Variants in USP25 observed in about 807,000 individuals in gnomAD.
The protein encoded by USP25 is ubiquitin specific peptidase 25.
In USP25, 85 loss-of-function variants were observed where a neutral mutation model predicts 158.5. That is an observed-to-expected ratio of 0.54 (90% CI 0.45 to 0.64). The LOEUF (loss-of-function observed/expected upper bound fraction) is 0.64. Ranked by LOEUF, USP25 falls within the 30% of genes least tolerant of loss-of-function variation. The probability of loss-of-function intolerance (pLI) is 0.00; values close to 1 mark genes in which losing one functional copy is unlikely to be tolerated. For missense variants in USP25, 1,242 were observed against 1,327.3 expected, an observed-to-expected ratio of 0.94 and a Z score of 1.00; for synonymous variants, 464 against 460.4, an observed-to-expected ratio of 1.01 and a Z score of -0.10.
chr21:15,862,965 A>G (rs1033837370), intron 20 of USP25, among the ~76,000 whole-genome samples: 1 of 151,996 alleles, frequency 6.6e-6, no homozygotes, highest in African/African-American at 2.4e-5. Flanking sequence ...TCTAGACGTC[A>G]AAGAATTACT....
Position 15,811,128 on chromosome 21 carries a change from A to G in USP25, c.858-9A>G, listed in dbSNP as rs377104767. The G allele has an allele frequency of 1.9e-6, 3 of 1,601,590 alleles. No homozygotes were observed. Among genetic ancestry groups the G allele is most frequent in the Non-Finnish European group, 2.6e-6 (3 of 1,176,314 alleles). ...TGTAATCACATTTATATTTTTTAAC[A>G]TACTTTAGGGATGAAGAGAAGCCAA... On this transcript the variant is annotated splice_polypyrimidine_tract_variant and intron_variant, in intron 8 of 25. Transcript: ENST00000400183.
chr21:15,775,739 A>ACCCCCCCCCCCCCCCCCCCCCCCCCC (rs57912569), intron 3 of USP25, among the ~76,000 whole-genome samples: 11 of 14,052 alleles, frequency 7.8e-4, no homozygotes, highest in African/African-American at 1.2e-3. Context: ...AATGGTTGCC[A>ACCCCCCCCCCCCCCCCCCCCCCCCCC]CCCCCCCCCC....
chr21:15,852,616 T>C (rs1320086018), intron 20 of USP25, among the ~76,000 whole-genome samples: 1 of 152,096 alleles, frequency 6.6e-6, no homozygotes, highest in Non-Finnish European at 1.5e-5. Flanking sequence ...ATGAGAAAAA[T>C]GAATGTGCCA....
intron 20 of USP25, among the ~76,000 whole-genome samples, chr21:15,856,533 G>T (rs917716913): frequency 2.9e-4 from 44 of 151,792 alleles, no homozygotes; most frequent in African/African-American, 9.9e-4. Flanking sequence ...GTGCAGTGGC[G>T]CAGTCTCGGC....
rs567635035 is a variant in USP25 at position 15,730,560 on chromosome 21, C to T, written c.45+122C>T. On this transcript the variant is annotated intron_variant, in intron 1 of 25. Coordinates refer to ENST00000400183, the MANE Select transcript of USP25 (RefSeq NM_001283041.3). The stretch of plus-strand genomic sequence containing the variant: ...TTCCCGGGCTTCCTCCCCGGTCACC[C>T]CCGGCCCCTGCCCATCGCCTCGGGG... 4 of 1,141,838 alleles carry T rather than the reference C, an allele frequency of 3.5e-6. No homozygotes were observed. In the African/African-American group the frequency reaches 4.9e-5, roughly 14 times the overall value. The allele number at this position is 1,141,838 out of a possible 1,614,324, so 70.7% of individuals were successfully genotyped here.
intron 6 of USP25, among the ~76,000 whole-genome samples, chr21:15,803,223 T>G (rs1164197450): frequency 6.6e-6 from 1 of 151,724 alleles, no homozygotes; most frequent in African/African-American, 2.4e-5. Flanking sequence ...GTACAGATAC[T>G]TAAAAAGTAA....
intron 20 of USP25, among the ~76,000 whole-genome samples, chr21:15,860,973 T>TAGAGAGAG (rs376765181): frequency 8.0e-4 from 114 of 142,482 alleles, no homozygotes; most frequent in East Asian, 1.4e-3. Context: ...TATATATATA[T>TAGAGAGAG]ATAGAGAGAG....
chr21:15,866,285 G>C lies in USP25; in HGVS notation c.2746G>C (p.Val916Leu), dbSNP rs374577248. 1.2e-6 allele frequency: 2 copies of C among 1,603,444 alleles called. No individual in the cohort carries two copies. Among genetic ancestry groups the C allele is most frequent in the African/African-American group, 2.7e-5 (2 of 74,390 alleles). ...FDERCHNIMKVAQAKLEMIKP... is the reference protein window; with the variant it reads ...FDERCHNIMKLAQAKLEMIKP... The stretch of plus-strand genomic sequence containing the variant: ...TTTAAGGTGTCACAACATAATGAAA[G>C]TTGCTCAAGCCAAACTGGAAATGAT... Residue 916 changes from valine (V) to leucine (L), a missense_variant, in exon 22 of 26, where the codon GTT becomes CTT. By Grantham distance (32) the Val-to-Leu change is conservative. This residue lies in a region of USP25 where 608 missense variants were observed against 605.2 expected (regional missense o/e 1.00). Coordinates refer to ENST00000400183, the MANE Select transcript of USP25 (RefSeq NM_001283041.3).
At position 15,878,507 on chromosome 21, in the gene USP25, ACT is replaced by A; in HGVS notation, c.*35_*36del. ...CACTTTCCCTGAACACACTGTATAA[ACT>A]CTTTTTAGTTCTTAACCCTTGCCTT... On this transcript the variant is annotated 3_prime_UTR_variant, in exon 26 of 26. Coordinates refer to ENST00000400183, the MANE Select transcript of USP25 (RefSeq NM_001283041.3). 1.3e-6 allele frequency: 2 copies of A among 1,591,946 alleles called. No homozygotes were observed. Among genetic ancestry groups the A allele is most frequent in the South Asian group, 1.1e-5 (1 of 87,976 alleles).
chr21:15,740,174 C>T (rs756174346), intron 1 of USP25, among the ~76,000 whole-genome samples: 8 of 152,178 alleles, frequency 5.3e-5, no homozygotes, highest in Non-Finnish European at 1.0e-4. Flanking sequence ...TCACCCTAGA[C>T]GTATTGTTTC....
chr21:15,812,132 T>C (rs1180623544), intron 9 of USP25, among the ~76,000 whole-genome samples: 4 of 150,632 alleles, frequency 2.7e-5, no homozygotes, highest in Non-Finnish European at 4.4e-5. Context: ...TGCACATATA[T>C]ATGAGTTAAT....
intron 14 of USP25, 40 bp downstream of exon 14, chr21:15,827,243 T>G (rs1299372177): frequency 6.8e-7 from 1 of 1,468,540 alleles, no homozygotes; most frequent in Admixed American, 1.7e-5. Flanking sequence ...TCACCTCAGA[T>G]GGATATGTGT....
rs1401258747 is a variant in USP25 at position 15,791,496 on chromosome 21, A to G, written c.393-6A>G. ...AATGCTGCATTTTTTTCCACCATTG[A>G]TTAAGAGTTCTTGAAGCCAGCATAG... On this transcript the variant is annotated splice_polypyrimidine_tract_variant and splice_region_variant and intron_variant, in intron 4 of 25. Coordinates refer to ENST00000400183, the MANE Select transcript of USP25 (RefSeq NM_001283041.3). 3 of 1,595,706 alleles carry G rather than the reference A, an allele frequency of 1.9e-6. No individual in the cohort carries two copies. The highest frequency in any genetic ancestry group is 1.7e-5 in the Admixed American group (1 of 57,190).
intron 20 of USP25, among the ~76,000 whole-genome samples, chr21:15,861,902 T>TA (rs1183134956): frequency 1.3e-5 from 2 of 152,090 alleles, no homozygotes; most frequent in Admixed American, 6.5e-5. Flanking sequence ...TACTGAAAAA[T>TA]ACTGTGACTT....
chr21:15,798,069 G>A (rs1189931365), intron 5 of USP25, among the ~76,000 whole-genome samples: 1 of 151,000 alleles, frequency 6.6e-6, no homozygotes, highest in Non-Finnish European at 1.5e-5. Context: ...TGGATAAGAG[G>A]GTGCTACTCT....
chr21:15,776,677 C>G (rs1600874829), intron 3 of USP25, among the ~76,000 whole-genome samples: 1 of 151,470 alleles, frequency 6.6e-6, no homozygotes, highest in African/African-American at 2.4e-5. Context: ...CTTGTATCTA[C>G]AAAAAATTAA....
intron 19 of USP25, among the ~76,000 whole-genome samples, chr21:15,849,510 T>G (rs565108196): frequency 2.0e-4 from 30 of 152,316 alleles, no homozygotes; most frequent in African/African-American, 7.0e-4. Context: ...TTTTCTAATT[T>G]GTTTGTCTAG....
intron 6 of USP25, among the ~76,000 whole-genome samples, chr21:15,804,481 T>A (rs2036280702): frequency 6.6e-6 from 1 of 151,816 alleles, no homozygotes; most frequent in Admixed American, 6.6e-5. Flanking sequence ...TTATAAGTAA[T>A]TTTTATTAAA....
intron 20 of USP25, among the ~76,000 whole-genome samples, chr21:15,862,489 C>A (rs1387261441): frequency 6.6e-6 from 1 of 151,698 alleles, no homozygotes; most frequent in Non-Finnish European, 1.5e-5. Flanking sequence ...TCAACAAGAA[C>A]AGTAATTGAA....
Sources: gnomAD v4.1 joint callset for allele counts (sites outside exome capture counted in the v4.1 genomes callset) on GRCh38, gnomAD v4.1.1 for gene constraint, gnomAD v4.1.1 regional missense constraint, MANE v1.5 for transcripts, NCBI Gene and HGNC (gene_info 2026-07-23, HGNC 2026-07-21) for gene names.